The following CRACD variants were observed in gnomAD, a reference collection of about 807,000 sequenced individuals.
CRACD encodes the protein capping protein inhibiting regulator of actin dynamics.
A neutral mutation model predicts 106.8 loss-of-function variants in CRACD; 56 were observed. The observed-to-expected ratio is 0.52, with a 90% CI of 0.42 to 0.66. The LOEUF (loss-of-function observed/expected upper bound fraction) is 0.66, where lower values mean the gene tolerates loss of function less well. Among genes scored for constraint, CRACD ranks in the 30% least tolerant of loss-of-function variants. The pLI, the probability that CRACD is intolerant of heterozygous loss-of-function variation, is 0.00. For missense variants in CRACD, 1,730 were observed against 1,623.2 expected, an observed-to-expected ratio of 1.07 and a Z score of -1.13; for synonymous variants, 754 against 670.8, an observed-to-expected ratio of 1.12 and a Z score of -1.92.
intron 2 of CRACD, among the ~76,000 whole-genome samples, chr4:56,271,105 CAAA>C (rs569383234): frequency 6.5e-5 from 4 of 61,392 alleles, no homozygotes; most frequent in Non-Finnish European, 7.1e-5. Context: ...AACTCCATCT[CAAA>C]AAAAAAAAAA....
chr4:56,310,572 G>A (rs1745082092), intron 5 of CRACD, 94 bp from the exon 6 acceptor site: 4 of 845,004 alleles, frequency 4.7e-6, no homozygotes, highest in Non-Finnish European at 4.0e-6. Context: ...GTGTAGAGGA[G>A]GGGGTGACCC....
intron 1 of CRACD, among the ~76,000 whole-genome samples, chr4:56,079,570 C>T (rs1020785958): frequency 2.6e-5 from 4 of 151,778 alleles, no homozygotes; most frequent in Admixed American, 6.6e-5. Context: ...CTCAGCTTCC[C>T]GAGTAGCTGG....
intron 2 of CRACD, among the ~76,000 whole-genome samples, chr4:56,204,930 C>T (rs780152639): frequency 3.3e-5 from 5 of 151,878 alleles, no homozygotes; most frequent in Middle Eastern, 3.4e-3. Context: ...TAGGCCGAGG[C>T]GGGAGGATCC....
At chr4:56,299,867 A>C (rs544371571) in intron 4 of CRACD, among the ~76,000 whole-genome samples, 8 of 151,764 alleles carry the variant, frequency 5.3e-5, no homozygotes, top group Non-Finnish European at 1.0e-4. Flanking sequence ...AAAGGAAAAG[A>C]GAACAACTGC....
intron 4 of CRACD, chr4:56,301,255 G>A (rs1435302905): frequency 1.9e-5 from 24 of 1,284,290 alleles, no homozygotes; most frequent in Middle Eastern, 2.1e-4. Context: ...CTGGTAAGTC[G>A]TAGAAGTGAT....
chr4:56,320,920 G>T, intron 8 of CRACD: 1 of 182,728 alleles, frequency 5.5e-6, no homozygotes, highest in Non-Finnish European at 1.2e-5. Context: ...CTCCCCCTGA[G>T]GTGGACTCAG....
intron 2 of CRACD, among the ~76,000 whole-genome samples, chr4:56,184,581 C>G (rs117125855): frequency 2.6e-5 from 4 of 152,186 alleles, no homozygotes; most frequent in African/African-American, 9.7e-5. Context: ...GCTGGCACTT[C>G]GTAGCTGCAG....
chr4:56,167,489 C>T (rs761885660), intron 1 of CRACD, among the ~76,000 whole-genome samples: 5 of 152,164 alleles, frequency 3.3e-5, no homozygotes, highest in Admixed American at 6.5e-5. Flanking sequence ...CTAACTGAAA[C>T]TTTGTACCCT....
intron 8 of CRACD, among the ~76,000 whole-genome samples, chr4:56,322,701 A>G (rs1304162756): frequency 6.6e-6 from 1 of 152,188 alleles, no homozygotes; most frequent in Non-Finnish European, 1.5e-5. Flanking sequence ...AGGGGAAAAA[A>G]TGGTTCCATG....
At chr4:56,289,964 G>A (rs1474892997) in intron 3 of CRACD, among the ~76,000 whole-genome samples, 1 of 152,144 alleles carries the variant, frequency 6.6e-6, no homozygotes, top group Non-Finnish European at 1.5e-5. Context: ...AAAGACTTGG[G>A]TCTTGGACTC....
At chr4:56,261,046 G>T (rs1459654038) in intron 2 of CRACD, among the ~76,000 whole-genome samples, 1 of 152,190 alleles carries the variant, frequency 6.6e-6, no homozygotes, top group Admixed American at 6.5e-5. Flanking sequence ...TCCTACAGGT[G>T]TTGGGTGTTC....
At chr4:56,070,847 CTGTGTG>C (rs60372588) in intron 1 of CRACD, among the ~76,000 whole-genome samples, 275 of 120,430 alleles carry the variant, frequency 2.3e-3, no homozygotes, top group African/African-American at 4.5e-3. Flanking sequence ...AGGGGCTATG[CTGTGTG>C]TGTGTGTGTG....
intron 1 of CRACD, among the ~76,000 whole-genome samples, chr4:56,153,208 G>C (rs1391572086): frequency 6.6e-6 from 1 of 151,970 alleles, no homozygotes; most frequent in South Asian, 2.1e-4. Flanking sequence ...GAGCCTAGGA[G>C]GCGGAGGCTG....
intron 1 of CRACD, among the ~76,000 whole-genome samples, chr4:56,082,799 C>T (rs140235012): frequency 1.3e-3 from 201 of 151,460 alleles, no homozygotes; most frequent in African/African-American, 4.6e-3. Flanking sequence ...CTCAGTGCCC[C>T]CAAGAACAGA....
chr4:56,303,769 T>C (rs541382378), intron 4 of CRACD, among the ~76,000 whole-genome samples: 1 of 152,324 alleles, frequency 6.6e-6, no homozygotes, highest in Admixed American at 6.5e-5. Context: ...CGTCGGACCC[T>C]GAGTCCTGCC....
intron 1 of CRACD, among the ~76,000 whole-genome samples, chr4:56,052,249 C>A (rs926497131): frequency 2.0e-5 from 3 of 152,086 alleles, no homozygotes; most frequent in Non-Finnish European, 4.4e-5. Context: ...TATACAGATA[C>A]ATTGTAAATA....
intron 1 of CRACD, among the ~76,000 whole-genome samples, chr4:56,128,783 C>A (rs1734736255): frequency 6.6e-6 from 1 of 152,008 alleles, no homozygotes; most frequent in Admixed American, 6.6e-5. Flanking sequence ...ATAAAATGTT[C>A]TTTTCTACAT....
intron 1 of CRACD, among the ~76,000 whole-genome samples, chr4:56,128,082 G>A (rs1015801088): frequency 3.3e-5 from 5 of 151,988 alleles, no homozygotes; most frequent in Admixed American, 6.6e-5. Context: ...AATGGGAGTC[G>A]TCACCATGTC....
At chr4:56,308,676 C>T (rs1038106621) in intron 5 of CRACD, 19 of 804,188 alleles carry the variant, frequency 2.4e-5, no homozygotes, top group Non-Finnish European at 2.9e-5. Flanking sequence ...GACATTCCTC[C>T]CCTGTTGCCC....
Sources: gnomAD v4.1 joint callset for allele counts (sites outside exome capture counted in the v4.1 genomes callset) on GRCh38, gnomAD v4.1.1 for gene constraint, MANE v1.5 for transcripts, NCBI Gene and HGNC (gene_info 2026-07-23, HGNC 2026-07-21) for gene names.